Variants in MAEL observed in about 807,000 individuals in gnomAD.
MAEL encodes the protein maelstrom spermatogenic transposon silencer, also known as protein maelstrom homolog.
MAEL carries 46 observed loss-of-function variants against 62.0 expected under a neutral mutation model. That is an observed-to-expected ratio of 0.74 (90% confidence interval 0.59 to 0.95). The LOEUF (loss-of-function observed/expected upper bound fraction) is 0.95, where lower values mean the gene tolerates loss of function less well. MAEL is among the 40% of genes least tolerant of loss of function. The pLI is 0.00. For synonymous variants in MAEL, 172 were observed against 175.5 expected, an observed-to-expected ratio of 0.98 and a Z score of 0.16; for missense variants, 497 against 526.8, an observed-to-expected ratio of 0.94 and a Z score of 0.55.
At chr1:167,008,690 T>C (rs1444008543) in intron 8 of MAEL, among the ~76,000 whole-genome samples, 1 of 152,072 alleles carries the variant, frequency 6.6e-6, no homozygotes, top group Non-Finnish European at 1.5e-5. Context: ...TTGATGTGTT[T>C]AGTAGAGTGA....
chr1:166,978,099 G>T (rs1266778812), intron 1 of MAEL, among the ~76,000 whole-genome samples: 1 of 152,200 alleles, frequency 6.6e-6, no homozygotes, highest in African/African-American at 2.4e-5. Context: ...CTGCTCAGAG[G>T]AGGTGTCTGT....
In MAEL at chr1:167,017,928, A is replaced by C. The variant is rs760226070; in HGVS notation, c.1010A>C (p.Lys337Thr). 1.2e-6 allele frequency: 2 copies of C among 1,613,302 alleles called. No homozygotes were observed. Among genetic ancestry groups the C allele is most frequent in the South Asian group, 2.2e-5 (2 of 91,004 alleles). ...DYEASNSVTPKMVVLDAGRYQ... is the reference protein window; with the variant it reads ...DYEASNSVTPTMVVLDAGRYQ... ...GAGGCCAGCAATAGTGTGACACCCAAAATGGTTGTATTGGATGCAGGGCGT... is the reference window on the plus strand; with the variant it reads ...GAGGCCAGCAATAGTGTGACACCCACAATGGTTGTATTGGATGCAGGGCGT... The change falls in exon 10 of 12, where the codon AAA becomes ACA. Residue 337 changes from lysine (K) to threonine (T), a missense_variant. By Grantham distance (78) the Lys-to-Thr change is moderately conservative (BLOSUM62 -1). Transcript: ENST00000367872.
chr1:166,985,995 A>G (rs1049689853), upstream of MAEL, among the ~76,000 whole-genome samples: 10 of 152,234 alleles, frequency 6.6e-5, no homozygotes, highest in Admixed American at 6.5e-4. Flanking sequence ...TAGATTTTTT[A>G]AAACGACCCA....
Position 166,980,822 on chromosome 1 carries a change from T to C in MAEL, c.-121+5156T>C, listed in dbSNP as rs72689318. 9.4e-3 allele frequency among the ~76,000 whole-genome samples: 1,435 copies of C among 152,170 alleles called. 11 individuals are homozygous for C. The highest frequency in any genetic ancestry group is 0.014 in the Admixed American group (209 of 15,286). Reference sequence around the variant, plus strand: ...GCAGCTTCCTACAGCCAAAAGGCTATAGGAAGAAAGGGTAACTGGCTGCCC... The same window carrying C: ...GCAGCTTCCTACAGCCAAAAGGCTACAGGAAGAAAGGGTAACTGGCTGCCC... On this transcript the variant is annotated intron_variant, in intron 1 of 12. Coordinates refer to the MAEL transcript ENST00000622874.
intron 10 of MAEL, 60 bp downstream of exon 10, chr1:167,018,019 T>C (rs1665469691): frequency 6.6e-7 from 1 of 1,519,756 alleles, no homozygotes; most frequent in Non-Finnish European, 8.9e-7. Flanking sequence ...AATGTGATTC[T>C]GGCCAACAGA....
upstream of MAEL, among the ~76,000 whole-genome samples, chr1:166,985,622 AAAGT>A (rs1340250347): frequency 1.6e-4 from 25 of 152,358 alleles, no homozygotes; most frequent in African/African-American, 5.3e-4. Context: ...ACAAAGCAGA[AAAGT>A]AAGCCTAAAA....
chr1:166,978,933 T>C (rs1470157565), intron 1 of MAEL, among the ~76,000 whole-genome samples: 1 of 152,130 alleles, frequency 6.6e-6, no homozygotes, highest in African/African-American at 2.4e-5. Flanking sequence ...ACAGCTGGGA[T>C]TGTATGTGGT....
chr1:166,997,130 T>C (rs527345872), intron 5 of MAEL, among the ~76,000 whole-genome samples: 2 of 152,350 alleles, frequency 1.3e-5, no homozygotes, highest in South Asian at 4.1e-4. Flanking sequence ...CTGGCCCCCC[T>C]GGGCCACATT....
At chr1:166,984,952 A>G (rs992870598), upstream of MAEL, among the ~76,000 whole-genome samples, 1 of 152,206 alleles carries the variant, frequency 6.6e-6, no homozygotes. Context: ...TAAACTATGA[A>G]AAAGCCATCT....
chr1:166,981,437 G>T (rs527727623), intron 1 of MAEL, among the ~76,000 whole-genome samples: 1 of 152,232 alleles, frequency 6.6e-6, no homozygotes, highest in African/African-American at 2.4e-5. Flanking sequence ...AAAGATGAAT[G>T]AATCACAGCC....
intron 8 of MAEL, among the ~76,000 whole-genome samples, chr1:167,010,813 C>T (rs1394441062): frequency 3.9e-5 from 6 of 152,106 alleles, no homozygotes; most frequent in Non-Finnish European, 7.4e-5. Flanking sequence ...ATACATTGCT[C>T]CTTTGCGTTT....
rs572413063 is a variant in MAEL at position 166,993,241 on chromosome 1, C to T, written c.481+400C>T. On this transcript the variant is annotated intron_variant, in intron 4 of 11. Transcript: ENST00000367872. ...TTGTAGCCTTGAAGAAATTACTTAA[C>T]CCCTCTGAACCTATTAGCTCATCTG... 4.9e-4 allele frequency among the ~76,000 whole-genome samples: 75 copies of T among 152,120 alleles called. 1 individual carries two copies. Among genetic ancestry groups the T allele is most frequent in the Non-Finnish European group, 9.3e-4 (63 of 67,984 alleles).
Position 167,016,203 on chromosome 1 carries a change from A to G in MAEL, c.846-19A>G. 1 of 1,610,886 alleles carries G rather than the reference A, an allele frequency of 6.2e-7. No individual in the cohort carries two copies. Among genetic ancestry groups the G allele is most frequent in the Non-Finnish European group, 8.5e-7 (1 of 1,177,234 alleles). ...AGTGCTACTTCAGTTAGGATATTAA[A>G]GTCCATTTTTTTGTACAGGTGCAAG... On this transcript the variant is annotated intron_variant, in intron 8 of 11. Transcript: ENST00000367872.
chr1:166,982,269 A>G (rs577908732), intron 1 of MAEL, among the ~76,000 whole-genome samples: 2 of 152,348 alleles, frequency 1.3e-5, no homozygotes, highest in Admixed American at 6.5e-5. Flanking sequence ...ACAGATTGGA[A>G]TGAGTGTTAA....
chr1:167,016,671 T>A (rs1557988014), intron 9 of MAEL, among the ~76,000 whole-genome samples: 1 of 151,454 alleles, frequency 6.6e-6, no homozygotes, highest in South Asian at 2.1e-4. Flanking sequence ...ATTGAAGAAA[T>A]ATCTACACTC....
intron 1 of MAEL, among the ~76,000 whole-genome samples, chr1:166,975,865 C>A (rs1380749414): frequency 6.6e-6 from 1 of 152,084 alleles, no homozygotes; most frequent in Non-Finnish European, 1.5e-5. Context: ...TGTCTGCGGG[C>A]AGCCACAGCC....
chr1:167,006,614 T>C (rs1212712556), intron 8 of MAEL, among the ~76,000 whole-genome samples: 6,767 of 82,460 alleles, frequency 0.082, 574 homozygotes, highest in African/African-American at 0.25. Flanking sequence ...TATATATATA[T>C]ATATATATAT....
At chr1:166,984,540 G>T (rs1663857791), upstream of MAEL, among the ~76,000 whole-genome samples, 1 of 151,950 alleles carries the variant, frequency 6.6e-6, no homozygotes, top group African/African-American at 2.4e-5. Context: ...ATTTGTATCT[G>T]TCAATTAAAA....
chr1:167,007,557 TTGTGTGTGTGTGTGTGTGTGTGTG>T (rs71073634), intron 8 of MAEL, among the ~76,000 whole-genome samples: 2 of 128,410 alleles, frequency 1.6e-5, no homozygotes, highest in Non-Finnish European at 1.6e-5. Flanking sequence ...AAATATATGT[TTGTGTGTGTGTGTGTGTGTGTGTG>T]TGTGTGTGTG....
Sources: gnomAD v4.1 joint callset for allele counts (sites outside exome capture counted in the v4.1 genomes callset) on GRCh38, gnomAD v4.1.1 for gene constraint, MANE v1.5 for transcripts, NCBI Gene and HGNC (gene_info 2026-07-23, HGNC 2026-07-21) for gene names.